PIEZO1: variants seen among roughly 807,000 people sequenced by gnomAD.
The protein encoded by PIEZO1 is piezo type mechanosensitive ion channel component 1 (Er blood group).
In PIEZO1, 296 loss-of-function variants were observed where a neutral mutation model predicts 297.2. That is an observed-to-expected ratio of 1.00 (90% confidence interval 0.91 to 1.10). PIEZO1 has a LOEUF of 1.10. Ranked by LOEUF, PIEZO1 falls within the 50% of genes least tolerant of loss-of-function variation. The probability of loss-of-function intolerance (pLI) is 0.00; values close to 1 mark genes in which losing one functional copy is unlikely to be tolerated. For synonymous variants in PIEZO1, 2,427 were observed against 1,507.5 expected (o/e 1.61, Z -14.13); for missense variants, 5,018 against 3,455.5 (o/e 1.45, Z -11.34).
Position 88,721,868 on chromosome 16 carries a change from G to T in PIEZO1, c.5154C>A (p.Ala1718=), listed in dbSNP as rs1272772805. The T allele has an allele frequency of 6.5e-7, 1 of 1,550,002 alleles. No individual in the cohort carries two copies. The highest frequency in any genetic ancestry group is 1.2e-5 in the South Asian group (1 of 84,060). The change falls in exon 37 of 51, where the codon GCC becomes GCA. Residue 1718 remains alanine (A), a synonymous_variant. Coordinates refer to ENST00000301015, the MANE Select transcript of PIEZO1 (RefSeq NM_001142864.4). ...TGCTGGGCCTCGGGATCGACAGCAT[G>T]GCCCACAGGAAGACGAGCACGGGCA... ...LVLPVLVFLW[A]MLSIPRPSKR... is the part of the protein sequence containing the mutation.
intron 1 of PIEZO1, among the ~76,000 whole-genome samples, chr16:88,782,343 C>T (rs1202707213): frequency 1.3e-5 from 2 of 152,158 alleles, no homozygotes; most frequent in Non-Finnish European, 2.9e-5. Context: ...AATGGCTACG[C>T]TCAAGCAATC....
Position 88,721,271 on chromosome 16 carries a change from G to T in PIEZO1, c.5563C>A (p.Pro1855Thr). Residue 1855 changes from proline to threonine, a missense_variant, in exon 39 of 51, where the codon CCA becomes ACA. By Grantham distance (38) the Pro-to-Thr change is conservative. Transcript: ENST00000301015. ...GGCCTGAGCTCCACTTGGGGTTCTG[G>T]GGTCCCGTCCGTGGGTCCGACCCTG... ...EARVGPTDGT[P>T]EPQVELRPRD... is the part of the protein sequence containing the mutation. 1 of 1,544,042 alleles carries T rather than the reference G, an allele frequency of 6.5e-7. No individual in the cohort carries two copies. The highest frequency in any genetic ancestry group is 8.7e-7 in the Non-Finnish European group (1 of 1,146,580).
Position 88,732,508 on chromosome 16 carries a change from C to T in PIEZO1, c.2818G>A (p.Val940Ile), listed in dbSNP as rs1038879369. 4 of 1,547,534 alleles carry T rather than the reference C, an allele frequency of 2.6e-6. No individual in the cohort carries two copies. The highest frequency in any genetic ancestry group is 1.4e-5 in the African/African-American group (1 of 72,982). The change falls in exon 21 of 51, where the codon GTA (valine) becomes ATA (isoleucine). Residue 940 changes from valine to isoleucine, a missense_variant. Transcript: ENST00000301015. ...CGCCGGTACACGATGGCCTCGAATACCAGCAGCAGCAGCACTTGCAGGTGG... is the reference window on the plus strand; with the variant it reads ...CGCCGGTACACGATGGCCTCGAATATCAGCAGCAGCAGCACTTGCAGGTGG... ...QNHLQVLLLL[V>I]FEAIVYRRQE...
chr16:88,744,179 T>A (rs6500497), intron 2 of PIEZO1: 42,090 of 155,182 alleles, frequency 0.27, 6,504 homozygotes, highest in East Asian at 0.65. Context: ...CACCGTGGGG[T>A]GACATGAGAA....
rs771307810 is a variant in PIEZO1, at chr16:88,736,745, G to C, written c.1196-6C>G. On this transcript the variant is annotated splice_region_variant and splice_polypyrimidine_tract_variant and intron_variant, in intron 10 of 50. Coordinates refer to ENST00000301015, the MANE Select transcript of PIEZO1 (RefSeq NM_001142864.4). ...CTCAGCCCGCTTGGGCCGCACTGCA[G>C]GTGGGGACAGCGGTCAGCTTCGGCA... is the stretch of plus-strand genomic sequence containing the variant. The C allele has an allele frequency of 1.3e-6, 2 of 1,512,106 alleles. No individual in the cohort carries two copies. Among genetic ancestry groups the C allele is most frequent in the Non-Finnish European group, 1.8e-6 (2 of 1,130,564 alleles). The allele number at this position is 1,512,106 out of a possible 1,614,324, so 93.7% of individuals were successfully genotyped here.
chr16:88,754,451 C>A (rs73266677), intron 1 of PIEZO1, among the ~76,000 whole-genome samples: 10,408 of 152,242 alleles, frequency 0.068, 1,186 homozygotes, highest in African/African-American at 0.24. Flanking sequence ...CTGCCAGGAT[C>A]CAGTTCCTGG....
intron 1 of PIEZO1, among the ~76,000 whole-genome samples, chr16:88,784,499 T>A (rs546364721): frequency 1.3e-5 from 2 of 151,378 alleles, no homozygotes; most frequent in South Asian, 4.2e-4. Flanking sequence ...CTTTTTTTTT[T>A]AAACCCGAAA....
At chr16:88,723,181 C>G in intron 32 of PIEZO1, 30 bp from the exon 33 acceptor site, 1 of 1,549,328 alleles carries the variant, frequency 6.5e-7, no homozygotes, top group Non-Finnish European at 8.7e-7. Flanking sequence ...GAGTGACTGG[C>G]AGTCCCGCGG....
intron 2 of PIEZO1, among the ~76,000 whole-genome samples, chr16:88,746,862 G>A (rs1326611806): frequency 2.0e-5 from 3 of 152,170 alleles, no homozygotes; most frequent in Admixed American, 6.5e-5. Context: ...AACAAACGGC[G>A]AAACGCCAGG....
rs1435445449 is a variant in PIEZO1 at position 88,719,672 on chromosome 16, C to T, written c.6373G>A (p.Val2125Met). The change falls in exon 44 of 51, where the codon GTG (valine) becomes ATG (methionine). Residue 2125 changes from valine to methionine, a missense_variant. By Grantham distance (21) the Val-to-Met change is conservative. Transcript: ENST00000301015. ...LVELRAVMDWVWTDTTLSLSS... is the reference protein window; with the variant it reads ...LVELRAVMDWMWTDTTLSLSS... ...AGGGACAGCGTGGTGTCCGTCCACA[C>T]CCAGTCCATCACTGCCCGCAGCTCC... is the stretch of plus-strand genomic sequence containing the variant. 3 of 1,553,506 alleles carry T rather than the reference C, an allele frequency of 1.9e-6. No homozygotes were observed. Among genetic ancestry groups the T allele is most frequent in the African/African-American group, 2.7e-5 (2 of 73,120 alleles).
chr16:88,733,672 G>C lies in PIEZO1; in HGVS notation c.2403C>G (p.Arg801=), dbSNP rs375353698. The C allele has an allele frequency of 3.2e-6, 5 of 1,549,706 alleles. No individual in the cohort carries two copies. Among genetic ancestry groups the C allele is most frequent in the Admixed American group, 3.9e-5 (2 of 50,924 alleles). Residue 801 remains arginine (R), a synonymous_variant, in exon 18 of 51, where the codon CGC becomes CGG. Coordinates refer to ENST00000301015, the MANE Select transcript of PIEZO1 (RefSeq NM_001142864.4). ...GCAGCCGCCGCAGGAACACCTGCAC[G>C]CGTGAGAGGACGTCCGAGAAGCCGG... ...LAAGFSDVLS[R]VQVFLRRLLE... is the part of the protein sequence containing the mutation.
intron 22 of PIEZO1, among the ~76,000 whole-genome samples, chr16:88,730,887 A>T (rs1597453600): frequency 6.6e-6 from 1 of 152,248 alleles, no homozygotes; most frequent in Non-Finnish European, 1.5e-5. Flanking sequence ...ACAGACACAC[A>T]GAGACAGCAG....
At chr16:88,751,239 C>T (rs1200692730) in intron 1 of PIEZO1, among the ~76,000 whole-genome samples, 1 of 152,192 alleles carries the variant, frequency 6.6e-6, no homozygotes, top group Non-Finnish European at 1.5e-5. Flanking sequence ...CAGAGGGAGA[C>T]CCCGACCTCC....
In PIEZO1 at chr16:88,721,697, C is replaced by T. The variant is rs1269609499; in HGVS notation, c.5244G>A (p.Gln1748=). 1 of 1,548,698 alleles carries T rather than the reference C, an allele frequency of 6.5e-7. No individual in the cohort carries two copies. The highest frequency in any genetic ancestry group is 1.2e-5 in the South Asian group (1 of 83,996). The stretch of plus-strand genomic sequence containing the variant: ...GGCTGTTCCAGGGGAAGAACCCAAA[C>T]TGGAACAGGTACTTGACGACCACCG... The part of the protein sequence containing the change: ...EIAVVVKYLF[Q]FGFFPWNSHV... The change falls in exon 38 of 51, where the codon CAG becomes CAA. Residue 1748 remains glutamine (Q), a synonymous_variant. Transcript: ENST00000301015.
At chr16:88,764,480 C>T (rs542756754) in intron 1 of PIEZO1, among the ~76,000 whole-genome samples, 6 of 152,108 alleles carry the variant, frequency 3.9e-5, no homozygotes, top group East Asian at 3.9e-4. Flanking sequence ...AGGCCGGGCG[C>T]GGTGGCTCAC....
intron 1 of PIEZO1, among the ~76,000 whole-genome samples, chr16:88,775,675 G>C (rs887454542): frequency 6.9e-5 from 10 of 143,964 alleles, no homozygotes; most frequent in African/African-American, 2.5e-4. Context: ...GGTGCAGTGA[G>C]CCAAGATCGT....
chr16:88,762,480 C>G (rs1419291661), intron 1 of PIEZO1, among the ~76,000 whole-genome samples: 1 of 152,186 alleles, frequency 6.6e-6, no homozygotes, highest in Non-Finnish European at 1.5e-5. Flanking sequence ...ACGGCAGGAC[C>G]CCCTCCAGCC....
rs1905006143 is a variant in PIEZO1 at position 88,733,457 on chromosome 16, G to A, written c.2488-3C>T. 1.9e-6 allele frequency: 3 copies of A among 1,545,590 alleles called. No individual in the cohort carries two copies. Among genetic ancestry groups the A allele is most frequent in the East Asian group, 4.9e-5 (2 of 40,680 alleles). On this transcript the variant is annotated splice_polypyrimidine_tract_variant and splice_region_variant and intron_variant, in intron 18 of 50. Transcript: ENST00000301015. ...AGCAGCAGGTTCATCACCGACACCT[G>A]AGGGCAGTGGGCACGTGGGGCTGGG...
chr16:88,731,996 G>T, intron 21 of PIEZO1, 86 bp from the exon 22 acceptor site: 1 of 333,252 alleles, frequency 3.0e-6, no homozygotes. Flanking sequence ...CCTCAGGCTT[G>T]CAGCAGCCCT....
Sources: allele counts gnomAD v4.1 joint callset (sites outside exome capture counted in the v4.1 genomes callset), GRCh38; gene constraint gnomAD v4.1.1; transcripts MANE v1.5; gene names NCBI Gene and HGNC (gene_info 2026-07-23, HGNC 2026-07-21).